Variants in C12orf56 observed in about 807,000 individuals in gnomAD.
C12orf56 encodes the protein chromosome 12 open reading frame 56, also known as uncharacterized protein C12orf56.
C12orf56 carries 71 observed loss-of-function variants against 69.9 expected under a neutral mutation model. The ratio of observed to expected loss-of-function variants is 1.02; its 90% CI spans 0.84 to 1.24. The LOEUF (loss-of-function observed/expected upper bound fraction) is 1.24. Ranked by LOEUF, C12orf56 falls within the 50% of genes most tolerant of loss-of-function variation. The pLI is 0.00. For missense variants in C12orf56, 732 were observed against 738.5 expected (o/e 0.99, Z 0.10); for synonymous variants, 276 against 274.1 (o/e 1.01, Z -0.07).
chr12:64,371,346 C>T (rs948390640), intron 1 of C12orf56, among the ~76,000 whole-genome samples: 1 of 151,896 alleles, frequency 6.6e-6, no homozygotes, highest in Non-Finnish European at 1.5e-5. Flanking sequence ...TGCAGTGAGC[C>T]GAAATGGCAC....
intron 5 of C12orf56, among the ~76,000 whole-genome samples, chr12:64,308,635 T>G (rs4763154): frequency 0.95 from 144,602 of 151,576 alleles, 69,332 homozygotes; most frequent in East Asian, 1. Context: ...CTGAGGTCAG[T>G]CATTCGAGAC....
At chr12:64,380,135 CAA>C (rs796914776) in intron 1 of C12orf56, among the ~76,000 whole-genome samples, 3 of 43,264 alleles carry the variant, frequency 6.9e-5, no homozygotes, top group African/African-American at 1.9e-4. Context: ...AAAAAAAAAA[CAA>C]AACAAACAAA....
At chr12:64,377,269 C>T (rs913250199) in intron 1 of C12orf56, among the ~76,000 whole-genome samples, 11 of 150,004 alleles carry the variant, frequency 7.3e-5, no homozygotes, top group Admixed American at 6.0e-4. Flanking sequence ...CGGCTCACTG[C>T]AACCTCCACC....
In C12orf56 at chr12:64,337,854, C is replaced by CAA. The variant is rs748434656; in HGVS notation, c.416-6824_416-6823dup. ...CCTGGGTAACAGAGCAAAATTCTGT[C>CAA]AAAAAAAAAAAAAAAAAAAACACCA... On this transcript the variant is annotated intron_variant, in intron 2 of 12. Transcript: ENST00000543942. 3.9e-3 allele frequency among the ~76,000 whole-genome samples: 353 copies of CAA among 90,714 alleles called. 1 individual carries two copies. The highest frequency in any genetic ancestry group is 0.01 in the African/African-American group (237 of 23,254). 59.5% of individuals were successfully genotyped at this position (90,714 alleles called of 152,430 possible).
At chr12:64,284,833 G>T in intron 7 of C12orf56, 80 bp from the exon 8 acceptor site, 1 of 1,012,572 alleles carries the variant, frequency 9.9e-7, no homozygotes, top group Non-Finnish European at 1.4e-6. Context: ...AGTAATTTTT[G>T]CTAAAACTGC....
chr12:64,340,182 G>A (rs2039056863), intron 2 of C12orf56, among the ~76,000 whole-genome samples: 1 of 152,052 alleles, frequency 6.6e-6, no homozygotes, highest in African/African-American at 2.4e-5. Context: ...GAAAGATGTA[G>A]GTTGGGAGGC....
chr12:64,388,857 A>G (rs1023139354), intron 1 of C12orf56, among the ~76,000 whole-genome samples: 4 of 152,220 alleles, frequency 2.6e-5, no homozygotes, highest in African/African-American at 4.8e-5. Flanking sequence ...ACTGTCTCCA[A>G]AAAAATTGTT....
chr12:64,348,428 C>T (rs772961249), intron 2 of C12orf56, among the ~76,000 whole-genome samples: 5 of 152,168 alleles, frequency 3.3e-5, no homozygotes, highest in East Asian at 3.8e-4. Context: ...TAAAAAATGT[C>T]CAAGTCATCA....
At chr12:64,370,703 G>GA (rs1592497207) in intron 1 of C12orf56, among the ~76,000 whole-genome samples, 1 of 151,976 alleles carries the variant, frequency 6.6e-6, no homozygotes, top group Admixed American at 6.6e-5. Flanking sequence ...GAAAACAGAA[G>GA]AAAAAAACTA....
intron 1 of C12orf56, 72 bp from the exon 2 acceptor site, chr12:64,353,128 C>G: frequency 6.9e-7 from 1 of 1,454,282 alleles, no homozygotes; most frequent in Non-Finnish European, 9.4e-7. Flanking sequence ...AATAAATCCC[C>G]CAAAGCTAAC....
chr12:64,358,866 A>G (rs945744018), intron 1 of C12orf56, among the ~76,000 whole-genome samples: 4 of 152,186 alleles, frequency 2.6e-5, no homozygotes, highest in Non-Finnish European at 5.9e-5. Flanking sequence ...AAACTCTAAC[A>G]GAAACATTTA....
intron 5 of C12orf56, among the ~76,000 whole-genome samples, chr12:64,304,471 A>G (rs1249045755): frequency 6.6e-6 from 1 of 152,190 alleles, no homozygotes; most frequent in Admixed American, 6.5e-5. Context: ...GGCTTAGCAG[A>G]AAAACCTCCT....
At chr12:64,286,110 A>G in intron 6 of C12orf56, 50 bp from the exon 7 acceptor site, 1 of 1,164,874 alleles carries the variant, frequency 8.6e-7, no homozygotes. Flanking sequence ...ATCTGTTGTT[A>G]AAATTCTCTA....
intron 6 of C12orf56, among the ~76,000 whole-genome samples, chr12:64,299,730 A>G (rs551885845): frequency 2.6e-5 from 4 of 152,316 alleles, no homozygotes; most frequent in African/African-American, 9.6e-5. Context: ...CTAATTCTCG[A>G]TGGTAGAAAC....
At chr12:64,359,894 T>C (rs2039375732) in intron 1 of C12orf56, among the ~76,000 whole-genome samples, 1 of 151,950 alleles carries the variant, frequency 6.6e-6, no homozygotes, top group Non-Finnish European at 1.5e-5. Context: ...TTTGTAGTTT[T>C]AGTAAAGATG....
At chr12:64,353,341 A>G (rs2039260455) in intron 1 of C12orf56, among the ~76,000 whole-genome samples, 1 of 152,040 alleles carries the variant, frequency 6.6e-6, no homozygotes, top group African/African-American at 2.4e-5. Context: ...TATTTTTAGT[A>G]GATACAAGGT....
intron 1 of C12orf56, among the ~76,000 whole-genome samples, chr12:64,356,093 G>A (rs111867449): frequency 2.0e-5 from 3 of 151,154 alleles, no homozygotes; most frequent in African/African-American, 7.3e-5. Context: ...GAACCCGGGA[G>A]GTGGAGGTTG....
chr12:64,348,285 A>T (rs1448547655), intron 2 of C12orf56, among the ~76,000 whole-genome samples: 1 of 152,200 alleles, frequency 6.6e-6, no homozygotes, highest in Non-Finnish European at 1.5e-5. Context: ...ATGAAAAAAA[A>T]GCAGGGGTAG....
chr12:64,321,246 T>C (rs2038768961), intron 3 of C12orf56, among the ~76,000 whole-genome samples: 1 of 151,982 alleles, frequency 6.6e-6, no homozygotes, highest in Admixed American at 6.6e-5. Flanking sequence ...TGGTTTATCT[T>C]TTTTTTTATT....
Sources: gnomAD v4.1 joint callset for allele counts (sites outside exome capture counted in the v4.1 genomes callset) on GRCh38, gnomAD v4.1.1 for gene constraint, MANE v1.5 for transcripts, NCBI Gene and HGNC (gene_info 2026-07-23, HGNC 2026-07-21) for gene names.